USP33: variants seen among roughly 807,000 people sequenced by gnomAD.
USP33 encodes ubiquitin carboxyl-terminal hydrolase 33.
USP33 carries 46 observed loss-of-function variants against 124.2 expected under a neutral mutation model. The ratio of observed to expected loss-of-function variants is 0.37; its 90% CI spans 0.29 to 0.47. USP33 has a LOEUF of 0.47. Ranked by LOEUF, USP33 falls within the 20% of genes least tolerant of loss-of-function variation. USP33 has a pLI of 0.99. For synonymous variants in USP33, 350 were observed against 352.3 expected, an observed-to-expected ratio of 0.99 and a Z score of 0.07; for missense variants, 851 against 1,070.6, an observed-to-expected ratio of 0.79 and a Z score of 2.86.
At chr1:77,730,504 A>C (rs1677680687) in intron 8 of USP33, 114 bp downstream of exon 8, 1 of 703,340 alleles carries the variant, frequency 1.4e-6, no homozygotes, top group Admixed American at 3.1e-5. Flanking sequence ...AGCTGTCTCT[A>C]ATCTATCTCT....
chr1:77,742,953 T>G (rs182386692), intron 1 of USP33, among the ~76,000 whole-genome samples: 4 of 149,202 alleles, frequency 2.7e-5, no homozygotes, highest in African/African-American at 9.7e-5. Context: ...TTTATTTATT[T>G]ATTTTTGAGA....
chr1:77,707,942 C>T (rs1674813652), intron 21 of USP33, among the ~76,000 whole-genome samples: 1 of 152,116 alleles, frequency 6.6e-6, no homozygotes, highest in Non-Finnish European at 1.5e-5. Context: ...TGTGACTATA[C>T]TCTCTGAACT....
At chr1:77,729,721 T>A in intron 9 of USP33, 139 bp downstream of exon 9, 1 of 734,048 alleles carries the variant, frequency 1.4e-6, no homozygotes, top group Admixed American at 2.6e-5. Context: ...ACAATAAACA[T>A]GAAAAAGGGT....
intron 15 of USP33, among the ~76,000 whole-genome samples, chr1:77,719,646 A>T (rs1416125473): frequency 1.3e-5 from 2 of 152,070 alleles, no homozygotes; most frequent in Non-Finnish European, 2.9e-5. Flanking sequence ...TGAGGTCAGG[A>T]GTTTAAGACC....
At chr1:77,731,390 G>A (rs1256058383) in intron 7 of USP33, among the ~76,000 whole-genome samples, 1 of 152,188 alleles carries the variant, frequency 6.6e-6, no homozygotes, top group Non-Finnish European at 1.5e-5. Context: ...TAGTCTGTCT[G>A]TCGTGAGTTT....
chr1:77,705,126 AAG>A, intron 21 of USP33, among the ~76,000 whole-genome samples: 2 of 117,184 alleles, frequency 1.7e-5, no homozygotes. Context: ...TTAAAAAAAA[AAG>A]GGGGGGGGCT....
chr1:77,755,208 A>C (rs990669997), intron 1 of USP33, among the ~76,000 whole-genome samples: 10 of 152,216 alleles, frequency 6.6e-5, no homozygotes, highest in Non-Finnish European at 1.5e-4. Flanking sequence ...AAAAACCTAA[A>C]TCTTCAGTTC....
rs137993100 is a variant in USP33, at chr1:77,721,275, T to C, written c.1658-70A>G. On this transcript the variant is annotated intron_variant, in intron 14 of 23. Transcript: ENST00000370794. ...ATTGCTTATTATGGTCCTGTAATTA[T>C]TTGATTTTGCCCCATGCTGACCTCC... The C allele has an allele frequency of 2.7e-4, 430 of 1,576,656 alleles. 2 individuals carry two copies. In the African/African-American group the frequency reaches 5.0e-3, roughly 18 times the overall value.
intron 10 of USP33, among the ~76,000 whole-genome samples, chr1:77,726,648 GAAA>G (rs112444513): frequency 7.4e-6 from 1 of 135,446 alleles, no homozygotes. Flanking sequence ...CCTGTTTCAG[GAAA>G]AAAAAAAAAA....
rs986993084 is a variant in USP33, at chr1:77,696,129, T to A, written c.*1188A>T. On this transcript the variant is annotated 3_prime_UTR_variant, in exon 24 of 24. Coordinates refer to ENST00000370794, the MANE Select transcript of USP33 (RefSeq NM_201624.3). ...ATCCAGTATGTTTTTGTACTTGGAA[T>A]ATAGTTAAACTTTTGACATTACATA... The A allele has an allele frequency of 1.3e-5, 2 of 152,198 alleles. No homozygotes were observed. Among genetic ancestry groups the A allele is most frequent in the Non-Finnish European group, 2.9e-5 (2 of 68,040 alleles). 9.4% of individuals were successfully genotyped at this position (152,198 alleles called of 1,614,324 possible).
Position 77,697,144 on chromosome 1 carries a change from G to C in USP33, c.*173C>G. On this transcript the variant is annotated 3_prime_UTR_variant, in exon 24 of 24. Coordinates refer to ENST00000370794, the MANE Select transcript of USP33 (RefSeq NM_201624.3). ...TTAAAACTAAATATACCAACCTGTG[G>C]TATATTACACATTTTAATATATTCT... 1.7e-6 allele frequency: 1 copy of C among 573,764 alleles called. No individual in the cohort carries two copies. The highest frequency in any genetic ancestry group is 2.9e-6 in the Non-Finnish European group (1 of 342,904). The allele number at this position is 573,764 out of a possible 1,614,324, so 35.5% of individuals were successfully genotyped here. A position where few individuals can be genotyped will look rare whatever the true frequency, so the allele number is the denominator to read the frequency against.
In USP33 at chr1:77,715,215, C is replaced by CT. The variant is rs201478590; in HGVS notation, c.2046-433dup. On this transcript the variant is annotated intron_variant, in intron 18 of 23. Coordinates refer to ENST00000370794, the MANE Select transcript of USP33 (RefSeq NM_201624.3). ...TAAATTAAACCTAATCTTTCTTTTTCTTTTTTTTTCAGATGGCGTCTCACT... is the reference window on the plus strand; with the variant it reads ...TAAATTAAACCTAATCTTTCTTTTTCTTTTTTTTTTCAGATGGCGTCTCACT... Among the ~76,000 whole-genome samples the CT allele has an allele frequency of 1.4e-3, 211 of 151,096 alleles. 1 individual carries two copies. The highest frequency in any genetic ancestry group is 5.0e-3 in the African/African-American group (208 of 41,226).
chr1:77,701,290 A>T, intron 22 of USP33, 79 bp downstream of exon 22: 1 of 970,744 alleles, frequency 1.0e-6, no homozygotes, highest in Non-Finnish European at 1.6e-6. Context: ...TCCCAAGTGC[A>T]CACAGATATT....
chr1:77,747,274 G>A (rs1557869638), intron 1 of USP33, among the ~76,000 whole-genome samples: 2 of 133,066 alleles, frequency 1.5e-5, no homozygotes, highest in African/African-American at 5.7e-5. Flanking sequence ...AAGAGATGGT[G>A]TCTTGTTCCA....
chr1:77,738,479 CTTTT>C (rs1007695859), intron 5 of USP33, among the ~76,000 whole-genome samples: 4 of 151,668 alleles, frequency 2.6e-5, no homozygotes, highest in Non-Finnish European at 5.9e-5. Context: ...GGAGAAAAAT[CTTTT>C]TTTCTTTTTT....
chr1:77,751,727 C>A (rs914396497), intron 1 of USP33, among the ~76,000 whole-genome samples: 12 of 151,974 alleles, frequency 7.9e-5, no homozygotes, highest in African/African-American at 2.7e-4. Context: ...CTTGCTCTGT[C>A]GCCCAGGCTT....
intron 18 of USP33, 139 bp from the exon 19 acceptor site, chr1:77,714,922 T>G: frequency 1.2e-6 from 1 of 848,124 alleles, no homozygotes; most frequent in East Asian, 2.6e-5. Flanking sequence ...GAAATATACT[T>G]TGTATTATCC....
chr1:77,740,795 A>G, intron 4 of USP33, 82 bp downstream of exon 4: 1 of 961,536 alleles, frequency 1.0e-6, no homozygotes. Flanking sequence ...TTACAACTTG[A>G]ATTAATAATG....
intron 21 of USP33, among the ~76,000 whole-genome samples, chr1:77,709,582 GTTTAAT>G (rs974870753): frequency 2.0e-5 from 3 of 150,424 alleles, no homozygotes; most frequent in African/African-American, 7.3e-5. Context: ...TTATATACAT[GTTTAAT>G]TTTAACATTC....
Sources: allele counts gnomAD v4.1 joint callset (sites outside exome capture counted in the v4.1 genomes callset), GRCh38; gene constraint gnomAD v4.1.1; transcripts MANE v1.5; gene names NCBI Gene and HGNC (gene_info 2026-07-23, HGNC 2026-07-21).